PLBD2: variants seen among roughly 807,000 people sequenced by gnomAD.
PLBD2 encodes the protein putative aminopeptidase PLBD2.
PLBD2 carries 51 observed loss-of-function variants against 68.3 expected under a neutral mutation model. The ratio of observed to expected loss-of-function variants is 0.75; its 90% CI spans 0.60 to 0.94. PLBD2 has a LOEUF of 0.94. PLBD2 is among the 40% of genes least tolerant of loss of function. The probability of loss-of-function intolerance (pLI) is 0.00; values close to 1 mark genes in which losing one functional copy is unlikely to be tolerated. For synonymous variants in PLBD2, 314 were observed against 339.3 expected (o/e 0.93, Z 0.82); for missense variants, 729 against 792.2 (o/e 0.92, Z 0.96).
chr12:113,385,029 G>A lies in PLBD2; in HGVS notation c.1214+83G>A. 3 of 1,421,352 alleles carry A rather than the reference G, an allele frequency of 2.1e-6. 1 individual carries two copies. The South Asian group carries it at 3.7e-5, about 17-fold the overall frequency. 88.0% of individuals were successfully genotyped at this position (1,421,352 alleles called of 1,614,324 possible). A position where few individuals can be genotyped will look rare whatever the true frequency, so the allele number is the denominator to read the frequency against. ...AGGCCCAGAGCCGTGCTGGCGCTGT[G>A]CAGGAAGTGAACGATCTCAGGAGGG... On this transcript the variant is annotated intron_variant, in intron 8 of 11. Transcript: ENST00000280800.
chr12:113,388,456 C>A lies in PLBD2; in HGVS notation c.1603-3C>A. 3.2e-6 allele frequency: 5 copies of A among 1,581,536 alleles called. No homozygotes were observed. Among genetic ancestry groups the A allele is most frequent in the Non-Finnish European group, 4.3e-6 (5 of 1,168,486 alleles). ...CTCAGCTGCGGCTCTGCCCTGTCCC[C>A]AGGTGACCAGCATGTCACTGGCCAG... On this transcript the variant is annotated splice_region_variant and splice_polypyrimidine_tract_variant and intron_variant, in intron 11 of 11. Transcript: ENST00000280800.
chr12:113,360,999 T>C (rs986574002), intron 1 of PLBD2, among the ~76,000 whole-genome samples: 1 of 152,172 alleles, frequency 6.6e-6, no homozygotes, highest in Non-Finnish European at 1.5e-5. Flanking sequence ...CCCTTGAGGC[T>C]CTGATGCAGG....
chr12:113,382,568 C>T (rs1957501402), intron 6 of PLBD2, among the ~76,000 whole-genome samples: 1 of 151,640 alleles, frequency 6.6e-6, no homozygotes, highest in Non-Finnish European at 1.5e-5. Flanking sequence ...CTCAGCCTCC[C>T]AAGTAACTGG....
intron 3 of PLBD2, 67 bp from the exon 4 acceptor site, chr12:113,374,407 T>G: frequency 1.8e-6 from 2 of 1,106,870 alleles, no homozygotes; most frequent in East Asian, 2.6e-5. Flanking sequence ...GCCCGTCCCG[T>G]TGAAGGAGAA....
intron 5 of PLBD2, among the ~76,000 whole-genome samples, chr12:113,376,224 C>T (rs1257507790): frequency 6.8e-6 from 1 of 146,164 alleles, no homozygotes; most frequent in Non-Finnish European, 1.5e-5. Context: ...AGTGCAGTGG[C>T]ACAATCTCAG....
At chr12:113,381,669 C>T (rs1019046610) in intron 6 of PLBD2, among the ~76,000 whole-genome samples, 4 of 151,958 alleles carry the variant, frequency 2.6e-5, no homozygotes, top group Admixed American at 1.3e-4. Flanking sequence ...GGGAGGGACA[C>T]GTGAAATGGT....
Position 113,387,148 on chromosome 12 carries a change from C to T in PLBD2, c.1439+59C>T. On this transcript the variant is annotated intron_variant, in intron 10 of 11. Transcript: ENST00000280800. ...GGAGGCCGCAGGAACACAGAACTTC[C>T]TGTGCGCTTTTTGTACCAACTCATT... 19 of 1,499,762 alleles carry T rather than the reference C, an allele frequency of 1.3e-5. No individual in the cohort carries two copies. In the Admixed American group the frequency reaches 3.4e-4, roughly 27 times the overall value. The allele number at this position is 1,499,762 out of a possible 1,614,324, so 92.9% of individuals were successfully genotyped here.
Position 113,385,259 on chromosome 12 carries a change from C to T in PLBD2, c.1262C>T (p.Thr421Ile), listed in dbSNP as rs753201470. The T allele has an allele frequency of 1.1e-5, 17 of 1,614,174 alleles. No homozygotes were observed. In the South Asian group the frequency reaches 1.9e-4, roughly 18 times the overall value. Residue 421 changes from threonine to isoleucine, a missense_variant, in exon 9 of 12, where the codon ACC (threonine) becomes ATC (isoleucine). Transcript: ENST00000280800. ...AAGACCTCGGAGCTCTACCAGAAGA[C>T]CTACTGGGCCAGCTACAACATACCG... ...ADKTSELYQK[T>I]YWASYNIPSF...
At chr12:113,379,917 C>CT (rs1480013020) in intron 5 of PLBD2, among the ~76,000 whole-genome samples, 9 of 152,136 alleles carry the variant, frequency 5.9e-5, no homozygotes, top group African/African-American at 2.2e-4. Flanking sequence ...ACAGAGTTGT[C>CT]CCTTGGTGTT....
In PLBD2 at chr12:113,372,592, C is replaced by G; in HGVS notation, c.385-57C>G. On this transcript the variant is annotated intron_variant, in intron 2 of 11. Transcript: ENST00000280800. The surrounding 1 kb of genome is among the most constrained non-coding windows in gnomAD (Gnocchi z 4.2). ...TGGGGCAGCCTGGGTGGGGGGCTCT[C>G]AGGGAAGAGAGCACCCCAGCTGCCC... 1.3e-6 allele frequency: 2 copies of G among 1,573,034 alleles called. No individual in the cohort carries two copies. Among genetic ancestry groups the G allele is most frequent in the Admixed American group, 3.4e-5 (2 of 58,108 alleles).
chr12:113,372,940 T>G lies in PLBD2; in HGVS notation c.543+133T>G, dbSNP rs981535491. 4.8e-6 allele frequency: 5 copies of G among 1,032,064 alleles called. No individual in the cohort carries two copies. In the African/African-American group the frequency reaches 8.0e-5, roughly 17 times the overall value. 63.9% of individuals were successfully genotyped at this position (1,032,064 alleles called of 1,614,324 possible). A position where few individuals can be genotyped will look rare whatever the true frequency, so the allele number is the denominator to read the frequency against. Reference sequence around the variant, plus strand: ...CTGTTTCCATCATCATCTCCATCCCTCCTAGCCGACCTGCCACTCATCCAT... The same window carrying G: ...CTGTTTCCATCATCATCTCCATCCCGCCTAGCCGACCTGCCACTCATCCAT... On this transcript the variant is annotated intron_variant, in intron 3 of 11. Coordinates refer to ENST00000280800, the MANE Select transcript of PLBD2 (RefSeq NM_173542.4). This position sits in a 1 kb window ranked among gnomAD's most constrained non-coding sequence, Gnocchi z 4.2.
At chr12:113,388,211 G>A (rs373115315) in intron 11 of PLBD2, among the ~76,000 whole-genome samples, 9 of 152,084 alleles carry the variant, frequency 5.9e-5, no homozygotes, top group Admixed American at 2.0e-4. Context: ...GCGTGGTGGC[G>A]GGCGTCTGTA....
intron 1 of PLBD2, among the ~76,000 whole-genome samples, chr12:113,365,670 G>A (rs1332675825): frequency 6.6e-6 from 1 of 151,824 alleles, no homozygotes; most frequent in Admixed American, 6.6e-5. Flanking sequence ...CAGTTTCTGG[G>A]GCTACTGTAA....
At chr12:113,367,147 A>G (rs995956538) in intron 1 of PLBD2, among the ~76,000 whole-genome samples, 3 of 152,214 alleles carry the variant, frequency 2.0e-5, no homozygotes, top group African/African-American at 4.8e-5. Flanking sequence ...GCTAATGTGT[A>G]TACAGGGAAT....
chr12:113,358,815 A>G lies in PLBD2; in HGVS notation c.215A>G (p.Gln72Arg), dbSNP rs1223666273. Residue 72 changes from glutamine (Q) to arginine (R), a missense_variant, in exon 1 of 12, where the codon CAG becomes CGG. Coordinates refer to ENST00000280800, the MANE Select transcript of PLBD2 (RefSeq NM_173542.4). ...RSVLLDVSAG[Q>R]LLMVDGRHPD... ...GTGCTCCTGGACGTCTCGGCGGGCCAGCTGCTTATGGTGGACGGACGCCAC... is the reference window on the plus strand; with the variant it reads ...GTGCTCCTGGACGTCTCGGCGGGCCGGCTGCTTATGGTGGACGGACGCCAC... 2.0e-6 allele frequency: 3 copies of G among 1,499,236 alleles called. No individual in the cohort carries two copies. The highest frequency in any genetic ancestry group is 2.5e-5 in the South Asian group (2 of 78,970). 92.9% of individuals were successfully genotyped at this position (1,499,236 alleles called of 1,614,324 possible).
Position 113,387,804 on chromosome 12 carries a change from T to C in PLBD2, c.1500T>C (p.Asn500=), listed in dbSNP as rs779617336. ...SLCKACNPQP[N]GENAISARSD... is the part of the protein sequence containing the mutation. Reference sequence around the variant, plus strand: ...GCAAAGCCTGCAACCCCCAGCCCAATGGGGAGAATGCTATCTCCGCCCGCT... The same window carrying C: ...GCAAAGCCTGCAACCCCCAGCCCAACGGGGAGAATGCTATCTCCGCCCGCT... The change falls in exon 11 of 12, where the codon AAT becomes AAC. Residue 500 remains asparagine, a synonymous_variant. Transcript: ENST00000280800. 9.3e-6 allele frequency: 15 copies of C among 1,614,124 alleles called. No homozygotes were observed. The highest frequency in any genetic ancestry group is 1.3e-5 in the Non-Finnish European group (15 of 1,179,972).
At position 113,358,878 on chromosome 12, in the gene PLBD2, T is replaced by C; in HGVS notation, c.278T>C (p.Ile93Thr). 6.6e-7 allele frequency: 1 copy of C among 1,525,274 alleles called. No individual in the cohort carries two copies. Among genetic ancestry groups the C allele is most frequent in the Non-Finnish European group, 8.8e-7 (1 of 1,138,932 alleles). 94.5% of individuals were successfully genotyped at this position (1,525,274 alleles called of 1,614,324 possible). A position where few individuals can be genotyped will look rare whatever the true frequency, so the allele number is the denominator to read the frequency against. The part of the protein sequence containing the change: ...AVAWANLTNA[I>T]RETGWAFLEL... ...GCCTGGGCCAACCTCACCAACGCCA[T>C]CCGCGAGACTGGGTAAGGGTTGGCT... The change falls in exon 1 of 12, where the codon ATC becomes ACC. Residue 93 changes from isoleucine (I) to threonine (T), a missense_variant. By Grantham distance (89) the Ile-to-Thr change is moderately conservative. Transcript: ENST00000280800.
At chr12:113,376,591 G>A (rs1957439961) in intron 5 of PLBD2, among the ~76,000 whole-genome samples, 1 of 152,170 alleles carries the variant, frequency 6.6e-6, no homozygotes, top group Non-Finnish European at 1.5e-5. Flanking sequence ...TGCAGGCATG[G>A]GAAGAATTAG....
intron 3 of PLBD2, among the ~76,000 whole-genome samples, chr12:113,373,765 A>T (rs553083089): frequency 8.0e-6 from 1 of 125,556 alleles, no homozygotes; most frequent in South Asian, 2.5e-4. Flanking sequence ...CCATTCGCTC[A>T]CTCACTCATC....
Sources: allele counts gnomAD v4.1 joint callset (sites outside exome capture counted in the v4.1 genomes callset), GRCh38; gene constraint gnomAD v4.1.1; non-coding constraint Gnocchi (gnomAD v3.1); transcripts MANE v1.5; gene names NCBI Gene and HGNC (gene_info 2026-07-23, HGNC 2026-07-21).